Variants in APC observed in about 807,000 individuals in gnomAD.
The protein encoded by APC is adenomatous polyposis coli protein.
A neutral mutation model predicts 247.0 loss-of-function variants in APC; 72 were observed. That is an observed-to-expected ratio of 0.29 (90% CI 0.24 to 0.35). The LOEUF is 0.35. Ranked by LOEUF, APC falls within the 10% of genes least tolerant of loss-of-function variation. The probability of loss-of-function intolerance (pLI) is 1.00; values close to 1 mark genes in which losing one functional copy is unlikely to be tolerated. For synonymous variants in APC, 1,254 were observed against 1,162.5 expected (o/e 1.08, Z -1.60); for missense variants, 3,400 against 3,360.7 (o/e 1.01, Z -0.29).
intron 15 of APC, among the ~76,000 whole-genome samples, 157 bp from the exon 16 acceptor site, chr5:112,837,396 C>T (rs969372045): frequency 8.9e-6 from 1 of 111,858 alleles, no homozygotes; most frequent in African/African-American, 3.1e-5. Context: ...AAACATTAAA[C>T]ATTACATGAA....
intron 2 of APC, among the ~76,000 whole-genome samples, chr5:112,762,476 G>T (rs911632400): frequency 3.1e-4 from 47 of 152,176 alleles, no homozygotes; most frequent in Admixed American, 2.9e-3. Flanking sequence ...AAATTGGGCT[G>T]TATTTATACA....
chr5:112,836,645 T>C (rs1332402712), intron 15 of APC, among the ~76,000 whole-genome samples: 3 of 152,236 alleles, frequency 2.0e-5, no homozygotes, highest in Non-Finnish European at 4.4e-5. Context: ...TCAAAAACTT[T>C]AATTTACTTG....
At chr5:112,728,975 C>G (rs1751951042) in intron 1 of APC, among the ~76,000 whole-genome samples, 1 of 152,134 alleles carries the variant, frequency 6.6e-6, no homozygotes, top group African/African-American at 2.4e-5. Flanking sequence ...AATTCCTAAA[C>G]ATCCTTGAAG....
At chr5:112,811,182 A>G (rs1561529589) in intron 8 of APC, among the ~76,000 whole-genome samples, 2 of 152,230 alleles carry the variant, frequency 1.3e-5, no homozygotes, top group Non-Finnish European at 1.5e-5. Context: ...GACAGTGGGA[A>G]ATAGTGTCTC....
intron 4 of APC, among the ~76,000 whole-genome samples, chr5:112,770,607 G>A (rs950464621): frequency 4.6e-5 from 7 of 152,060 alleles, no homozygotes; most frequent in African/African-American, 1.7e-4. Flanking sequence ...CTGATCATTA[G>A]TATCACTAGT....
At chr5:112,734,231 A>T (rs2149675930), upstream of APC, among the ~76,000 whole-genome samples, 1 of 152,326 alleles carries the variant, frequency 6.6e-6, no homozygotes, top group Middle Eastern at 3.4e-3. Flanking sequence ...GGATAGACAG[A>T]CAGACATATA....
At chr5:112,803,283 C>G (rs1158575536) in intron 8 of APC, among the ~76,000 whole-genome samples, 5 of 152,046 alleles carry the variant, frequency 3.3e-5, no homozygotes, top group Non-Finnish European at 7.4e-5. Context: ...AGATTTTTTG[C>G]TAATGAGATA....
chr5:112,814,313 C>G (rs1033340107), intron 8 of APC, among the ~76,000 whole-genome samples: 1 of 152,158 alleles, frequency 6.6e-6, no homozygotes, highest in African/African-American at 2.4e-5. Context: ...CCTTTGTTTT[C>G]AGGTGCCCAT....
rs115289922 is a variant in APC, at chr5:112,779,236, T to G, written c.532-1554T>G. On this transcript the variant is annotated intron_variant, in intron 5 of 15. Transcript: ENST00000257430. ...GGGGATTTGTTGGGACTATAACTTA[T>G]GAAGAAAAATACCAAAGTGTAGTTT... Among the ~76,000 whole-genome samples, 183 of 152,324 alleles carry G rather than the reference T, an allele frequency of 1.2e-3. 1 individual carries two copies. Among genetic ancestry groups the G allele is most frequent in the African/African-American group, 4.3e-3 (179 of 41,568 alleles).
At chr5:112,731,215 G>T (rs1489852125) in intron 1 of APC, among the ~76,000 whole-genome samples, 1 of 152,128 alleles carries the variant, frequency 6.6e-6, no homozygotes, top group Non-Finnish European at 1.5e-5. Flanking sequence ...CTTTGTAGGG[G>T]TATCTGTACA....
At chr5:112,820,357 A>G (rs946624685) in intron 10 of APC, among the ~76,000 whole-genome samples, 2 of 152,292 alleles carry the variant, frequency 1.3e-5, no homozygotes, top group Admixed American at 6.5e-5. Context: ...AAAATGTTCA[A>G]GGATAAGAAA....
intron 6 of APC, among the ~76,000 whole-genome samples, chr5:112,792,002 C>G (rs1479999670): frequency 6.6e-6 from 1 of 152,104 alleles, no homozygotes; most frequent in Non-Finnish European, 1.5e-5. Context: ...GCCCACAGCA[C>G]TTTGGGAAGC....
intron 1 of APC, among the ~76,000 whole-genome samples, chr5:112,711,299 C>G (rs1033937843): frequency 3.3e-5 from 5 of 152,188 alleles, no homozygotes; most frequent in African/African-American, 9.7e-5. Flanking sequence ...GCCTGATGAT[C>G]TGAGGTGGAA....
At chr5:112,834,072 G>A (rs1215928668) in intron 14 of APC, among the ~76,000 whole-genome samples, 6 of 151,602 alleles carry the variant, frequency 4.0e-5, no homozygotes, top group African/African-American at 1.5e-4. Flanking sequence ...CCAAGCAGCT[G>A]TGACTGCAGG....
chr5:112,838,527 A>C lies in APC; in HGVS notation c.2933A>C (p.Gln978Pro), dbSNP rs730881223. Residue 978 changes from glutamine (Q) to proline (P), a missense_variant, in exon 16 of 16, where the codon CAA becomes CCA. Physicochemically the swap from Gln to Pro is moderately conservative, Grantham distance 76 (BLOSUM62 -1). Transcript: ENST00000257430. ...AGTGATGGTTATGGTAAAAGAGGTC[A>C]AATGAAACCCTCGATTGAATCCTAT... is the stretch of plus-strand genomic sequence containing the variant. The part of the protein sequence containing the change: ...SSSDGYGKRG[Q>P]MKPSIESYSE... 1.2e-6 allele frequency: 2 copies of C among 1,614,264 alleles called. No individual in the cohort carries two copies. Among genetic ancestry groups the C allele is most frequent in the Admixed American group, 3.3e-5 (2 of 60,030 alleles).
intron 6 of APC, 49 bp from the exon 7 acceptor site, chr5:112,792,397 A>T (rs1271884303): frequency 8.1e-7 from 1 of 1,238,120 alleles, no homozygotes; most frequent in Non-Finnish European, 1.2e-6. Context: ...TATTTCTATT[A>T]ATATTATTAA....
rs1057517635 is a variant in APC at position 112,792,426 on chromosome 5, G to A, written c.646-20G>A. 5 of 1,548,828 alleles carry A rather than the reference G, an allele frequency of 3.2e-6. No homozygotes were observed. Among genetic ancestry groups the A allele is most frequent in the African/African-American group, 1.4e-5 (1 of 73,442 alleles). ...TTATTAATAAAAACATAACTAATTA[G>A]GTTTCTTGTTTTATTTTAGCGAAGA... On this transcript the variant is annotated intron_variant, in intron 6 of 15. Transcript: ENST00000257430.
intron 2 of APC, among the ~76,000 whole-genome samples, chr5:112,761,902 A>G (rs933871620): frequency 4.6e-5 from 7 of 152,216 alleles, no homozygotes; most frequent in African/African-American, 1.7e-4. Context: ...ATCAAAATTA[A>G]AAACCTGTGC....
chr5:112,786,874 C>G (rs943074216), intron 6 of APC, among the ~76,000 whole-genome samples: 1 of 138,232 alleles, frequency 7.2e-6, no homozygotes, highest in African/African-American at 2.6e-5. Context: ...TCAACCCTGC[C>G]TTTTTCTTTT....
Sources: allele counts gnomAD v4.1 joint callset (sites outside exome capture counted in the v4.1 genomes callset), GRCh38; gene constraint gnomAD v4.1.1; transcripts MANE v1.5; gene names NCBI Gene and HGNC (gene_info 2026-07-23, HGNC 2026-07-21).